PTPRD: variants seen among roughly 807,000 people sequenced by gnomAD.
The protein encoded by PTPRD is receptor-type tyrosine-protein phosphatase delta.
A neutral mutation model predicts 214.5 loss-of-function variants in PTPRD; 34 were observed. The observed-to-expected ratio is 0.16, with a 90% CI of 0.12 to 0.21. The LOEUF is 0.21. Among genes scored for constraint, PTPRD ranks in the 10% least tolerant of loss-of-function variants. The pLI is 1.00. For missense variants in PTPRD, 2,545 were observed against 2,398.7 expected, an observed-to-expected ratio of 1.06 and a Z score of -1.27; for synonymous variants, 1,128 against 845.7, an observed-to-expected ratio of 1.33 and a Z score of -5.79.
intron 27 of PTPRD, among the ~76,000 whole-genome samples, chr9:8,491,784 C>T (rs2136244481): frequency 6.6e-6 from 1 of 151,940 alleles, no homozygotes; most frequent in East Asian, 1.9e-4. Flanking sequence ...GACATTTAGA[C>T]AAAGCTGGCA....
chr9:9,775,441 C>G (rs1246564691), intron 5 of PTPRD, among the ~76,000 whole-genome samples: 1 of 152,120 alleles, frequency 6.6e-6, no homozygotes, highest in Non-Finnish European at 1.5e-5. Flanking sequence ...TTTCCCTCAT[C>G]ATAGAATAAA....
chr9:10,199,277 C>A (rs953172280), intron 3 of PTPRD, among the ~76,000 whole-genome samples: 1 of 151,980 alleles, frequency 6.6e-6, no homozygotes, highest in Non-Finnish European at 1.5e-5. Flanking sequence ...ATAGTTAGTT[C>A]TTTCTAATAT....
At chr9:9,516,983 C>G (rs968530260) in intron 8 of PTPRD, among the ~76,000 whole-genome samples, 4 of 151,304 alleles carry the variant, frequency 2.6e-5, no homozygotes, top group Non-Finnish European at 4.4e-5. Flanking sequence ...AATAAGAAAA[C>G]AAATGATATA....
At chr9:8,847,601 C>T (rs367899286) in intron 11 of PTPRD, among the ~76,000 whole-genome samples, 12 of 152,182 alleles carry the variant, frequency 7.9e-5, no homozygotes, top group South Asian at 2.1e-4. Context: ...TTTAAAACTT[C>T]GGGGTACCTT....
At position 9,365,155 on chromosome 9, in the gene PTPRD, A is replaced by C. The variant is rs150724359; in HGVS notation, c.-203+32294T>G. On this transcript the variant is annotated intron_variant, in intron 9 of 45. Coordinates refer to ENST00000381196, the MANE Select transcript of PTPRD (RefSeq NM_002839.4). ...TTAAATACTATCAGCAGAGAGGACA[A>C]ATACAAAATATTGGATCACAGCTTT... 4.4e-3 allele frequency among the ~76,000 whole-genome samples: 665 copies of C among 151,610 alleles called. 2 individuals carry two copies. The highest frequency in any genetic ancestry group is 0.014 in the African/African-American group (588 of 41,446).
intron 12 of PTPRD, among the ~76,000 whole-genome samples, chr9:8,726,548 A>G (rs2098560881): frequency 7.6e-6 from 1 of 130,846 alleles, no homozygotes. Context: ...CCTGGCCAAC[A>G]TGGAGAAACT....
At chr9:10,369,805 G>T (rs1473274573) in intron 2 of PTPRD, among the ~76,000 whole-genome samples, 1 of 151,802 alleles carries the variant, frequency 6.6e-6, no homozygotes, top group Admixed American at 6.6e-5. Context: ...CAGCACATTA[G>T]AATTTTTTAA....
chr9:8,716,784 C>G (rs2098441374), intron 12 of PTPRD, among the ~76,000 whole-genome samples: 1 of 152,156 alleles, frequency 6.6e-6, no homozygotes, highest in South Asian at 2.1e-4. Context: ...ACTGGCCTAC[C>G]TCAATAATGA....
intron 2 of PTPRD, among the ~76,000 whole-genome samples, chr9:10,600,787 G>C (rs921983499): frequency 6.6e-6 from 1 of 151,744 alleles, no homozygotes; most frequent in South Asian, 2.1e-4. Context: ...TGGTATATAT[G>C]TTATTAACTA....
At chr9:8,547,250 C>A (rs1461651051) in intron 14 of PTPRD, among the ~76,000 whole-genome samples, 1 of 151,834 alleles carries the variant, frequency 6.6e-6, no homozygotes, top group Non-Finnish European at 1.5e-5. Flanking sequence ...TATGCTAAAC[C>A]AAAAACAATA....
chr9:9,216,474 T>C lies in PTPRD; in HGVS notation c.-202-33111A>G, dbSNP rs77551441. ...AATCCTATGTTGAGCCACCCTTCTA[T>C]ATGCCCTTTCTTCTTTCTCCTCCCT... On this transcript the variant is annotated intron_variant, in intron 9 of 45. Transcript: ENST00000381196. 1.8e-3 allele frequency among the ~76,000 whole-genome samples: 267 copies of C among 152,302 alleles called. 1 individual carries two copies. The highest frequency in any genetic ancestry group is 6.1e-3 in the African/African-American group (253 of 41,574).
chr9:8,813,522 C>A (rs548948817), intron 11 of PTPRD, among the ~76,000 whole-genome samples: 19 of 152,248 alleles, frequency 1.2e-4, no homozygotes, highest in East Asian at 1.2e-3. Flanking sequence ...AAGGCACGTG[C>A]CACCATGCCT....
intron 27 of PTPRD, among the ~76,000 whole-genome samples, chr9:8,491,740 C>T (rs2097155218): frequency 6.6e-6 from 1 of 151,352 alleles, no homozygotes; most frequent in Admixed American, 6.6e-5. Context: ...TGAGGCAATT[C>T]CAGGTGGCAG....
chr9:8,883,274 G>A (rs1365135317), intron 11 of PTPRD, among the ~76,000 whole-genome samples: 3 of 152,136 alleles, frequency 2.0e-5, no homozygotes, highest in South Asian at 2.1e-4. Context: ...AGCAACTATC[G>A]TAAGGGTCTA....
intron 2 of PTPRD, among the ~76,000 whole-genome samples, chr9:10,582,866 A>G (rs545635014): frequency 1.1e-4 from 16 of 152,342 alleles, no homozygotes; most frequent in Admixed American, 4.6e-4. Flanking sequence ...GTCAGGTGAC[A>G]AAGAAGGGTT....
At chr9:9,690,463 C>T (rs2097250508) in intron 7 of PTPRD, among the ~76,000 whole-genome samples, 1 of 151,864 alleles carries the variant, frequency 6.6e-6, no homozygotes, top group Non-Finnish European at 1.5e-5. Context: ...GTTACCTTTA[C>T]TGTGCAGAAG....
chr9:9,180,774 T>C (rs563865932), intron 10 of PTPRD, among the ~76,000 whole-genome samples: 2 of 152,146 alleles, frequency 1.3e-5, no homozygotes, highest in South Asian at 2.1e-4. Flanking sequence ...ATTTAGGAAA[T>C]ACTGATGAAA....
chr9:9,743,401 G>A (rs2098424112), intron 6 of PTPRD, among the ~76,000 whole-genome samples: 1 of 152,018 alleles, frequency 6.6e-6, no homozygotes, highest in Admixed American at 6.6e-5. Context: ...AGATCTTAAT[G>A]CCTAGATCTA....
intron 7 of PTPRD, among the ~76,000 whole-genome samples, chr9:9,684,916 A>T (rs756971641): frequency 1.3e-5 from 2 of 151,502 alleles, no homozygotes; most frequent in Non-Finnish European, 3.0e-5. Flanking sequence ...GTGTTGTATT[A>T]ATTTTTTCCT....
Sources: gnomAD v4.1 joint callset for allele counts (sites outside exome capture counted in the v4.1 genomes callset) on GRCh38, gnomAD v4.1.1 for gene constraint, MANE v1.5 for transcripts, NCBI Gene and HGNC (gene_info 2026-07-23, HGNC 2026-07-21) for gene names.